EXOC6B: variants seen among roughly 807,000 people sequenced by gnomAD.
EXOC6B encodes the protein SEC15 homolog B.
Under a neutral mutation model 113.5 loss-of-function variants are expected in EXOC6B, and 54 were observed. That is an observed-to-expected ratio of 0.48 (90% CI 0.38 to 0.60). EXOC6B has a LOEUF of 0.60. Ranked by LOEUF, EXOC6B falls within the 20% of genes least tolerant of loss-of-function variation. The pLI is 0.00. For missense variants in EXOC6B, 797 were observed against 977.5 expected (o/e 0.82, Z 2.46); for synonymous variants, 357 against 339.0 (o/e 1.05, Z -0.58).
At chr2:72,694,129 G>C (rs1396769442) in intron 6 of EXOC6B, among the ~76,000 whole-genome samples, 1 of 152,126 alleles carries the variant, frequency 6.6e-6, no homozygotes, top group African/African-American at 2.4e-5. Flanking sequence ...TTTCTGCTTT[G>C]AAAAGAGCTT....
chr2:72,594,016 C>T (rs777778515), intron 6 of EXOC6B, among the ~76,000 whole-genome samples: 4 of 152,050 alleles, frequency 2.6e-5, no homozygotes, highest in African/African-American at 4.8e-5. Context: ...GCTTTTACTG[C>T]GTTGTCCAGG....
intron 18 of EXOC6B, among the ~76,000 whole-genome samples, chr2:72,426,880 A>G (rs1695228815): frequency 6.6e-6 from 1 of 152,264 alleles, no homozygotes; most frequent in South Asian, 2.1e-4. Flanking sequence ...AGGTGCAAGC[A>G]GTGGCTGCAG....
At chr2:72,470,040 A>C (rs556628941) in intron 17 of EXOC6B, among the ~76,000 whole-genome samples, 7 of 152,190 alleles carry the variant, frequency 4.6e-5, no homozygotes, top group African/African-American at 1.7e-4. Flanking sequence ...GATTTTGCTC[A>C]GAATTGTTTT....
At chr2:72,211,455 T>C (rs767205494) in intron 20 of EXOC6B, among the ~76,000 whole-genome samples, 1 of 152,150 alleles carries the variant, frequency 6.6e-6, no homozygotes. Flanking sequence ...CTGGGCCCTG[T>C]TTTTTCTGCA....
At chr2:72,527,985 C>A (rs1166888631) in intron 8 of EXOC6B, among the ~76,000 whole-genome samples, 1 of 151,816 alleles carries the variant, frequency 6.6e-6, no homozygotes, top group Admixed American at 6.6e-5. Flanking sequence ...TATTTTCTCC[C>A]ACTCCACTGT....
rs145867143 is a variant in EXOC6B at position 72,192,200 on chromosome 2, T to C, written c.2197-8013A>G. Among the ~76,000 whole-genome samples, 611 of 152,294 alleles carry C rather than the reference T, an allele frequency of 4.0e-3. 4 individuals carry two copies. The highest frequency in any genetic ancestry group is 0.014 in the African/African-American group (578 of 41,570). On this transcript the variant is annotated intron_variant, in intron 20 of 21. Transcript: ENST00000272427. ...TTTTCCTTCTGACTCCTCAACAGCA[T>C]AGACTATCAAATGGCTAGATTCTCA...
chr2:72,631,499 G>T (rs1202561854), intron 6 of EXOC6B, among the ~76,000 whole-genome samples: 6 of 102,496 alleles, frequency 5.9e-5, no homozygotes, highest in African/African-American at 2.2e-4. Flanking sequence ...GAGAGAGAGA[G>T]AGAGAGAGAG....
At chr2:72,560,263 C>A (rs1308327240) in intron 7 of EXOC6B, among the ~76,000 whole-genome samples, 2 of 150,482 alleles carry the variant, frequency 1.3e-5, no homozygotes. Context: ...TTGGTCTCGA[C>A]TACCTAAGTT....
At chr2:72,386,701 T>C (rs1309041042) in intron 18 of EXOC6B, among the ~76,000 whole-genome samples, 2 of 152,192 alleles carry the variant, frequency 1.3e-5, no homozygotes, top group East Asian at 3.9e-4. Flanking sequence ...TTGGGATTCA[T>C]GCTAAATGAA....
intron 19 of EXOC6B, 21 bp downstream of exon 19, chr2:72,379,708 C>G (rs755246350): frequency 3.1e-6 from 5 of 1,591,682 alleles, no homozygotes; most frequent in Non-Finnish European, 2.6e-6. Flanking sequence ...TAAACAAGCA[C>G]AGGGATGGTC....
intron 1 of EXOC6B, among the ~76,000 whole-genome samples, chr2:72,822,922 G>A (rs926429978): frequency 6.6e-6 from 1 of 152,040 alleles, no homozygotes; most frequent in African/African-American, 2.4e-5. Context: ...ATGAAAAACA[G>A]GAGATAATGA....
At chr2:72,700,934 C>CT (rs749267811) in intron 6 of EXOC6B, among the ~76,000 whole-genome samples, 1 of 150,058 alleles carries the variant, frequency 6.7e-6, no homozygotes, top group Middle Eastern at 3.8e-3. Context: ...CTGGGCGACT[C>CT]TGTCTCAAAA....
chr2:72,559,398 C>T (rs748082278), intron 8 of EXOC6B, 55 bp downstream of exon 8: 423 of 1,284,026 alleles, frequency 3.3e-4, no homozygotes, highest in Middle Eastern at 5.9e-4. Flanking sequence ...GTTGAGAGAG[C>T]AAAGTTTTGA....
chr2:72,701,156 A>C (rs1002295419), intron 6 of EXOC6B, among the ~76,000 whole-genome samples: 9 of 151,926 alleles, frequency 5.9e-5, no homozygotes, highest in African/African-American at 2.2e-4. Flanking sequence ...CATCCTGGCC[A>C]ACATAGTGAA....
chr2:72,426,621 G>A (rs1291304012), intron 18 of EXOC6B, among the ~76,000 whole-genome samples: 1 of 152,112 alleles, frequency 6.6e-6, no homozygotes, highest in Non-Finnish European at 1.5e-5. Context: ...ACTGGGATAA[G>A]AAAAATAGAG....
rs180899519 is a variant in EXOC6B at position 72,699,073 on chromosome 2, G to A, written c.669+19030C>T. On this transcript the variant is annotated intron_variant, in intron 6 of 21. Transcript: ENST00000272427. ...TTTTTCTAAAAAAGAAGGTTCATGA[G>A]TTTCACTACATTCTCAAAAAGTTTA... Among the ~76,000 whole-genome samples, 8 of 152,274 alleles carry A rather than the reference G, an allele frequency of 5.3e-5. No individual in the cohort carries two copies. The East Asian group carries it at 1.5e-3, about 29-fold the overall frequency.
intron 1 of EXOC6B, among the ~76,000 whole-genome samples, chr2:72,779,004 A>G (rs1488158700): frequency 6.6e-6 from 1 of 152,144 alleles, no homozygotes; most frequent in Non-Finnish European, 1.5e-5. Context: ...GTATAGTATA[A>G]CATAAATATT....
Position 72,425,226 on chromosome 2 carries a change from T to C in EXOC6B, c.1980+39934A>G, listed in dbSNP as rs567912153. Among the ~76,000 whole-genome samples the C allele has an allele frequency of 2.0e-5, 3 of 152,314 alleles. No homozygotes were observed. The South Asian group carries it at 6.2e-4, about 32-fold the overall frequency. Reference sequence around the variant, plus strand: ...TTATTAGTTTTGAAATTTCCCCTTCTTCCCCTCAATTATTAATTTAGAAAA... The same window carrying C: ...TTATTAGTTTTGAAATTTCCCCTTCCTCCCCTCAATTATTAATTTAGAAAA... On this transcript the variant is annotated intron_variant, in intron 18 of 21. Coordinates refer to ENST00000272427, the MANE Select transcript of EXOC6B (RefSeq NM_015189.3).
intron 8 of EXOC6B, among the ~76,000 whole-genome samples, chr2:72,538,841 T>C (rs1400826925): frequency 6.6e-6 from 1 of 152,214 alleles, no homozygotes; most frequent in Non-Finnish European, 1.5e-5. Context: ...GATTTCACTC[T>C]ATGTATAGTT....
Sources: gnomAD v4.1 joint callset for allele counts (sites outside exome capture counted in the v4.1 genomes callset) on GRCh38, gnomAD v4.1.1 for gene constraint, MANE v1.5 for transcripts, NCBI Gene and HGNC (gene_info 2026-07-23, HGNC 2026-07-21) for gene names.